The following PRKN variants were observed in gnomAD, a reference collection of about 807,000 sequenced individuals.
The protein encoded by PRKN is E3 ubiquitin-protein ligase parkin.
Under a neutral mutation model 59.5 loss-of-function variants are expected in PRKN, and 56 were observed. That is an observed-to-expected ratio of 0.94 (90% CI 0.76 to 1.18). The LOEUF (loss-of-function observed/expected upper bound fraction) is 1.18. Among genes scored for constraint, PRKN ranks in the 50% most tolerant of loss-of-function variants. The pLI is 0.00. For missense variants in PRKN, 657 were observed against 596.4 expected, an observed-to-expected ratio of 1.10 and a Z score of -1.06; for synonymous variants, 250 against 222.1, an observed-to-expected ratio of 1.13 and a Z score of -1.12.
chr6:162,048,713 C>G (rs1218387211), intron 5 of PRKN, among the ~76,000 whole-genome samples: 1 of 115,904 alleles, frequency 8.6e-6, no homozygotes, highest in Non-Finnish European at 1.8e-5. Context: ...CCAAAAATAG[C>G]TGATGAACTA....
chr6:162,500,026 A>G (rs751475462), intron 1 of PRKN, among the ~76,000 whole-genome samples: 11 of 152,108 alleles, frequency 7.2e-5, no homozygotes, highest in Non-Finnish European at 1.6e-4. Context: ...GGTCATGACA[A>G]TTGGAAAGCC....
rs35458503 is a variant in PRKN at position 161,554,712 on chromosome 6, T to TTGTGTG, written c.934-5715_934-5710dup. ...TACAATCCTGATATACATACAGGGA[T>TTGTGTG]TGTGTGTGTGTGTGTGTGTGTGTAT... On this transcript the variant is annotated intron_variant, in intron 8 of 11. Transcript: ENST00000366898. This position sits in a 1 kb window ranked among gnomAD's most constrained non-coding sequence, Gnocchi z 4.5. 2.4e-4 allele frequency among the ~76,000 whole-genome samples: 33 copies of TTGTGTG among 138,914 alleles called. No homozygotes were observed. Among genetic ancestry groups the TTGTGTG allele is most frequent in the African/African-American group, 8.0e-4 (30 of 37,448 alleles). The allele number at this position is 138,914 out of a possible 152,430, so 91.1% of individuals were successfully genotyped here.
intron 7 of PRKN, among the ~76,000 whole-genome samples, chr6:161,750,870 C>T (rs911534815): frequency 4.0e-5 from 6 of 151,628 alleles, no homozygotes; most frequent in Non-Finnish European, 2.9e-5. Flanking sequence ...AGATAAGGCT[C>T]TAGGTACAAC....
chr6:162,299,522 C>T (rs1479228567), intron 2 of PRKN, among the ~76,000 whole-genome samples: 1 of 152,062 alleles, frequency 6.6e-6, no homozygotes, highest in Admixed American at 6.6e-5. Context: ...AGATATGGGG[C>T]TCATTTCTAT....
At chr6:161,883,654 T>A (rs896998242) in intron 6 of PRKN, among the ~76,000 whole-genome samples, 6 of 152,084 alleles carry the variant, frequency 3.9e-5, no homozygotes, top group African/African-American at 1.4e-4. Flanking sequence ...ATTTTTATTT[T>A]TATTTTTTTT....
chr6:162,019,160 A>G (rs190603168), intron 5 of PRKN, among the ~76,000 whole-genome samples: 11 of 152,306 alleles, frequency 7.2e-5, no homozygotes, highest in African/African-American at 2.4e-4. Flanking sequence ...TTACATTTTT[A>G]TGGAGAAAAA....
chr6:162,129,726 C>A, intron 4 of PRKN, among the ~76,000 whole-genome samples: 1 of 152,098 alleles, frequency 6.6e-6, no homozygotes, highest in East Asian at 1.9e-4. Flanking sequence ...GACTGATTCA[C>A]AGAACTGCAT....
At chr6:162,412,311 C>A (rs887192378) in intron 2 of PRKN, among the ~76,000 whole-genome samples, 2 of 152,016 alleles carry the variant, frequency 1.3e-5, no homozygotes. Context: ...AAGGCTCAAT[C>A]TAGAAGGTGT....
chr6:161,861,616 C>CA (rs5881441), intron 6 of PRKN, among the ~76,000 whole-genome samples: 1 of 141,730 alleles, frequency 7.1e-6, no homozygotes, highest in Non-Finnish European at 1.5e-5. Flanking sequence ...TATAAACATT[C>CA]AAAAAAAAAA....
At chr6:162,543,788 A>G (rs2846465) in intron 1 of PRKN, among the ~76,000 whole-genome samples, 66,543 of 151,932 alleles carry the variant, frequency 0.44, 16,919 homozygotes, top group Non-Finnish European at 0.58. Flanking sequence ...CCAGGCCAAT[A>G]GATAGCCTCA....
Position 161,897,984 on chromosome 6 carries a change from A to AAAAAAT in PRKN, c.734+75317_734+75318insATTTTT, listed in dbSNP as rs1554244227. ...TCCGTCTCAAAAAAAAAAAAAAAAA[A>AAAAAAT]GTCTCCCAGTTGCATAGAAAAGGTT... On this transcript the variant is annotated intron_variant, in intron 6 of 11. Transcript: ENST00000366898. Among the ~76,000 whole-genome samples, 211 of 117,648 alleles carry AAAAAAT rather than the reference A, an allele frequency of 1.8e-3. 42 individuals are homozygous for AAAAAAT. Among genetic ancestry groups the AAAAAAT allele is most frequent in the African/African-American group, 8.1e-3 (194 of 24,016 alleles). 77.2% of individuals were successfully genotyped at this position (117,648 alleles called of 152,430 possible).
intron 4 of PRKN, among the ~76,000 whole-genome samples, chr6:162,095,790 G>T (rs1241302760): frequency 1.4e-4 from 21 of 152,140 alleles, no homozygotes; most frequent in Admixed American, 1.2e-3. Context: ...GTGTCTCCAG[G>T]CTACCTTGTA....
At chr6:162,202,736 G>A (rs982094360) in intron 3 of PRKN, among the ~76,000 whole-genome samples, 2 of 152,146 alleles carry the variant, frequency 1.3e-5, no homozygotes. Context: ...TGTAACAACT[G>A]ACTGAAATAT....
chr6:161,605,910 T>C (rs938546765), intron 7 of PRKN, among the ~76,000 whole-genome samples: 4 of 151,914 alleles, frequency 2.6e-5, no homozygotes, highest in African/African-American at 7.3e-5. Context: ...GAGGAGAAAA[T>C]AGGGGCTCTA....
At chr6:162,655,047 C>G (rs1192331926) in intron 1 of PRKN, among the ~76,000 whole-genome samples, 1 of 152,088 alleles carries the variant, frequency 6.6e-6, no homozygotes, top group Non-Finnish European at 1.5e-5. Flanking sequence ...ATACCAATGT[C>G]AATTTTAATA....
chr6:161,943,098 G>T (rs1000938258), intron 6 of PRKN, among the ~76,000 whole-genome samples: 4 of 152,196 alleles, frequency 2.6e-5, no homozygotes, highest in African/African-American at 9.7e-5. Context: ...GGCAGAAAGT[G>T]TCTTAATTTA....
intron 1 of PRKN, among the ~76,000 whole-genome samples, chr6:162,472,727 A>AGG (rs2128178969): frequency 8.3e-6 from 1 of 120,952 alleles, no homozygotes; most frequent in African/African-American, 3.0e-5. Flanking sequence ...TCCTGACCTC[A>AGG]TGATCCACCC....
chr6:162,209,971 G>A (rs5007362), intron 3 of PRKN, among the ~76,000 whole-genome samples: 5 of 151,622 alleles, frequency 3.3e-5, no homozygotes, highest in African/African-American at 1.2e-4. Context: ...ATGGGGAGAG[G>A]GGGGAGGGAT....
chr6:162,513,296 T>C (rs4708966), intron 1 of PRKN, among the ~76,000 whole-genome samples: 30,874 of 151,686 alleles, frequency 0.2, 3,525 homozygotes, highest in East Asian at 0.5. Flanking sequence ...CTGGCCAACA[T>C]GGTAAAACTT....
Sources: allele counts gnomAD v4.1 joint callset (sites outside exome capture counted in the v4.1 genomes callset), GRCh38; gene constraint gnomAD v4.1.1; non-coding constraint Gnocchi (gnomAD v3.1); transcripts MANE v1.5; gene names NCBI Gene and HGNC (gene_info 2026-07-23, HGNC 2026-07-21).